Variants in FAM227A observed in about 807,000 individuals in gnomAD.
FAM227A encodes protein FAM227A.
A neutral mutation model predicts 74.7 loss-of-function variants in FAM227A; 80 were observed. The ratio of observed to expected loss-of-function variants is 1.07; its 90% confidence interval spans 0.89 to 1.29. The LOEUF (loss-of-function observed/expected upper bound fraction) is 1.29, where lower values mean the gene tolerates loss of function less well. Ranked by LOEUF, FAM227A falls within the 50% of genes most tolerant of loss-of-function variation. The pLI is 0.00. For synonymous variants in FAM227A, 237 were observed against 241.8 expected (o/e 0.98, Z 0.19); for missense variants, 654 against 683.4 (o/e 0.96, Z 0.48).
chr22:38,624,644 G>T (rs1602993896), intron 9 of FAM227A, among the ~76,000 whole-genome samples: 1 of 152,186 alleles, frequency 6.6e-6, no homozygotes, highest in Non-Finnish European at 1.5e-5. Context: ...ACAGACAGAG[G>T]TGTCTATGTG....
chr22:38,638,610 C>G (rs1289821524), intron 5 of FAM227A, 136 bp downstream of exon 5: 2 of 687,242 alleles, frequency 2.9e-6, no homozygotes, highest in Non-Finnish European at 5.1e-6. Context: ...ATGAGAAATT[C>G]TAGATTCAGG....
chr22:38,640,706 C>T (rs180816296), intron 3 of FAM227A, among the ~76,000 whole-genome samples: 9 of 152,280 alleles, frequency 5.9e-5, no homozygotes, highest in Admixed American at 3.9e-4. Context: ...GCTGTGATTA[C>T]GAATCAAAGT....
rs183421881 is a variant in FAM227A at position 38,614,796 on chromosome 22, G to A, written c.1038+5416C>T. 7.2e-5 allele frequency among the ~76,000 whole-genome samples: 11 copies of A among 152,194 alleles called. No homozygotes were observed. In the East Asian group the frequency reaches 1.9e-3, roughly 27 times the overall value. ...ATGTATTTCAGTACAAAGAACACAC[G>A]CTTGTTTCAAGCCATTGTGACAGGC... On this transcript the variant is annotated intron_variant, in intron 11 of 16. Coordinates refer to ENST00000535113, the MANE Select transcript of FAM227A (RefSeq NM_001013647.2).
intron 2 of FAM227A, among the ~76,000 whole-genome samples, chr22:38,646,277 T>G (rs939916131): frequency 9.5e-6 from 1 of 105,774 alleles, no homozygotes; most frequent in East Asian, 3.0e-4. Flanking sequence ...TTTTTTTTTT[T>G]GAGACGGAGT....
chr22:38,600,957 A>T (rs1352927443), intron 13 of FAM227A, among the ~76,000 whole-genome samples: 1 of 152,038 alleles, frequency 6.6e-6, no homozygotes, highest in Non-Finnish European at 1.5e-5. Flanking sequence ...TCTCAAAAAA[A>T]AAAAAAAAGA....
At chr22:38,630,611 A>C (rs2145614948) in intron 6 of FAM227A, among the ~76,000 whole-genome samples, 1 of 152,332 alleles carries the variant, frequency 6.6e-6, no homozygotes, top group South Asian at 2.1e-4. Context: ...TGACAGGAGT[A>C]TACTAGTTAC....
At chr22:38,589,874 G>A (rs2090893297) in intron 16 of FAM227A, among the ~76,000 whole-genome samples, 1 of 152,136 alleles carries the variant, frequency 6.6e-6, no homozygotes, top group Non-Finnish European at 1.5e-5. Flanking sequence ...GCCAAGGCGA[G>A]AGGACTGCTT....
Position 38,588,575 on chromosome 22 carries a change from C to T in FAM227A, c.1639-2376G>A, listed in dbSNP as rs1183605049. Among the ~76,000 whole-genome samples, 11 of 138,748 alleles carry T rather than the reference C, an allele frequency of 7.9e-5. No individual in the cohort carries two copies. In the East Asian group the frequency reaches 1.9e-3, roughly 24 times the overall value. The allele number at this position is 138,748 out of a possible 152,430, so 91.0% of individuals were successfully genotyped here. A position where few individuals can be genotyped will look rare whatever the true frequency, so the allele number is the denominator to read the frequency against. ...TGGAGGTTGCAGTGAGCCGAGATTG[C>T]ACCACTGCACTCCAGCCTGGGTAAC... On this transcript the variant is annotated intron_variant, in intron 16 of 16. Transcript: ENST00000535113.
At chr22:38,590,143 G>C (rs2090900178) in intron 16 of FAM227A, among the ~76,000 whole-genome samples, 1 of 151,112 alleles carries the variant, frequency 6.6e-6, no homozygotes, top group South Asian at 2.1e-4. Flanking sequence ...GCTGGGCATG[G>C]TGGCACGCGC....
rs962639211 is a variant in FAM227A at position 38,585,999 on chromosome 22, T to C, written c.*126A>G. 1 of 1,537,082 alleles carries C rather than the reference T, an allele frequency of 6.5e-7. No individual in the cohort carries two copies. Among genetic ancestry groups the C allele is most frequent in the Admixed American group, 2.1e-5 (1 of 48,066 alleles). On this transcript the variant is annotated 3_prime_UTR_variant, in exon 17 of 17. Coordinates refer to ENST00000535113, the MANE Select transcript of FAM227A (RefSeq NM_001013647.2). ...AAACTACAACGGAATCCTTCCCCTATGGAGAAATCATGATTCCTATTTCTG... is the reference window on the plus strand; with the variant it reads ...AAACTACAACGGAATCCTTCCCCTACGGAGAAATCATGATTCCTATTTCTG...
intron 11 of FAM227A, among the ~76,000 whole-genome samples, chr22:38,611,638 G>T (rs945573761): frequency 1.3e-5 from 2 of 152,088 alleles, no homozygotes; most frequent in Non-Finnish European, 2.9e-5. Flanking sequence ...TAACTGATAG[G>T]TGCATCACTT....
chr22:38,597,295 T>C lies in FAM227A; in HGVS notation c.1441A>G (p.Lys481Glu), dbSNP rs1388313778. ...TGGTACAACTGATTGAGGTTGTCTT[T>C]CCGCTTCTTCATGCTGCACAGGGTC... ...SETLCSMKKR[K>E]DNLNQLYQHH... The change falls in exon 15 of 17, where the codon AAA becomes GAA. Residue 481 changes from lysine to glutamate, a missense_variant. Physicochemically the swap from Lys to Glu is moderately conservative, Grantham distance 56. Coordinates refer to ENST00000535113, the MANE Select transcript of FAM227A (RefSeq NM_001013647.2). 2 of 1,551,932 alleles carry C rather than the reference T, an allele frequency of 1.3e-6. No homozygotes were observed. Among genetic ancestry groups the C allele is most frequent in the East Asian group, 2.4e-5 (1 of 40,934 alleles).
intron 14 of FAM227A, among the ~76,000 whole-genome samples, chr22:38,597,955 A>G (rs2091083523): frequency 6.7e-6 from 1 of 150,262 alleles, no homozygotes; most frequent in Non-Finnish European, 1.5e-5. Flanking sequence ...AGGCAGGAGA[A>G]TCGCTTGAAC....
Position 38,578,255 on chromosome 22 carries a change from C to A in FAM227A, c.*7870G>T, listed in dbSNP as rs909708222. On this transcript the variant is annotated 3_prime_UTR_variant, in exon 17 of 17. Coordinates refer to ENST00000535113, the MANE Select transcript of FAM227A (RefSeq NM_001013647.2). ...ACTAATGCGTTACGCTATGACATTA[C>A]GAAGGCTAAGAGTCGCTAGGTGATA... The A allele has an allele frequency of 6.6e-6, 1 of 152,100 alleles. No individual in the cohort carries two copies. The highest frequency in any genetic ancestry group is 1.5e-5 in the Non-Finnish European group (1 of 68,036). The allele number at this position is 152,100 out of a possible 1,614,324, so 9.4% of individuals were successfully genotyped here. A position where few individuals can be genotyped will look rare whatever the true frequency, so the allele number is the denominator to read the frequency against.
At chr22:38,591,627 T>A in intron 15 of FAM227A, 87 bp from the exon 16 acceptor site, 1 of 860,348 alleles carries the variant, frequency 1.2e-6, no homozygotes, top group Non-Finnish European at 1.7e-6. Context: ...AACTGATAGA[T>A]CCACGTGACC....
rs2091138550 is a variant in FAM227A, at chr22:38,600,036, G to A, written c.1222-115C>T. 3.1e-6 allele frequency: 3 copies of A among 978,252 alleles called. No homozygotes were observed. The South Asian group carries it at 5.8e-5, about 19-fold the overall frequency. The allele number at this position is 978,252 out of a possible 1,614,324, so 60.6% of individuals were successfully genotyped here. A position where few individuals can be genotyped will look rare whatever the true frequency, so the allele number is the denominator to read the frequency against. On this transcript the variant is annotated intron_variant, in intron 13 of 16. Coordinates refer to ENST00000535113, the MANE Select transcript of FAM227A (RefSeq NM_001013647.2). ...CTTTGATCCAGTAATTCCAGTTTTA[G>A]GATGCACCCTAAGAAAATTACTCAA...
In FAM227A at chr22:38,608,793, CTTTT is replaced by C. The variant is rs35393303; in HGVS notation, c.1039-1321_1039-1318del. Reference sequence around the variant, plus strand: ...ATAAGATAAAATAAGACCCTTGTTCCTTTTTTTTTTTTTTTTTTTTTGAGATGGA... The same window carrying C: ...ATAAGATAAAATAAGACCCTTGTTCCTTTTTTTTTTTTTTTTTGAGATGGA... On this transcript the variant is annotated intron_variant, in intron 11 of 16. Coordinates refer to ENST00000535113, the MANE Select transcript of FAM227A (RefSeq NM_001013647.2). Among the ~76,000 whole-genome samples the C allele has an allele frequency of 6.9e-3, 666 of 97,070 alleles. 3 individuals are homozygous for C. The highest frequency in any genetic ancestry group is 0.03 in the African/African-American group (621 of 20,498). The allele number at this position is 97,070 out of a possible 152,430, so 63.7% of individuals were successfully genotyped here.
At chr22:38,640,930 G>T (rs2092101703) in intron 3 of FAM227A, among the ~76,000 whole-genome samples, 2 of 152,110 alleles carry the variant, frequency 1.3e-5, no homozygotes, top group East Asian at 3.8e-4. Flanking sequence ...CAGTGGTGGG[G>T]GGGCGGTCAC....
chr22:38,636,666 C>G, intron 5 of FAM227A, 69 bp from the exon 6 acceptor site: 1 of 1,378,280 alleles, frequency 7.3e-7, no homozygotes, highest in Non-Finnish European at 9.8e-7. Context: ...AGGCTAGCTT[C>G]CCCTCTTTAT....
Sources: allele counts gnomAD v4.1 joint callset (sites outside exome capture counted in the v4.1 genomes callset), GRCh38; gene constraint gnomAD v4.1.1; transcripts MANE v1.5; gene names NCBI Gene and HGNC (gene_info 2026-07-23, HGNC 2026-07-21).